The following GRB14 variants were observed in gnomAD, a reference collection of about 807,000 sequenced individuals.
The protein encoded by GRB14 is growth factor receptor-bound protein 14.
In GRB14, 38 loss-of-function variants were observed where a neutral mutation model predicts 69.1. That is an observed-to-expected ratio of 0.55 (90% CI 0.42 to 0.72). The LOEUF (loss-of-function observed/expected upper bound fraction) is 0.72, where lower values mean the gene tolerates loss of function less well. Ranked by LOEUF, GRB14 falls within the 30% of genes least tolerant of loss-of-function variation. The pLI, the probability that GRB14 is intolerant of heterozygous loss-of-function variation, is 0.00. For missense variants in GRB14, 666 were observed against 666.1 expected (o/e 1.00, Z 0.00); for synonymous variants, 247 against 241.3 (o/e 1.02, Z -0.22).
chr2:164,529,100 C>T (rs1011020268), intron 3 of GRB14, among the ~76,000 whole-genome samples: 1 of 152,146 alleles, frequency 6.6e-6, no homozygotes, highest in Non-Finnish European at 1.5e-5. Context: ...AATTCTGACA[C>T]ATGCTACAAC....
At chr2:164,545,560 TC>T (rs1474772240) in intron 3 of GRB14, among the ~76,000 whole-genome samples, 1 of 152,088 alleles carries the variant, frequency 6.6e-6, no homozygotes, top group Non-Finnish European at 1.5e-5. Context: ...AGGACACACA[TC>T]CCTGACGACA....
intron 6 of GRB14, among the ~76,000 whole-genome samples, chr2:164,519,644 A>C (rs1687585185): frequency 6.6e-6 from 1 of 152,172 alleles, no homozygotes; most frequent in African/African-American, 2.4e-5. Context: ...AGAACTGATA[A>C]ATGAATTAAG....
intron 2 of GRB14, among the ~76,000 whole-genome samples, chr2:164,618,551 T>G (rs1013271411): frequency 6.6e-6 from 1 of 152,078 alleles, no homozygotes; most frequent in Admixed American, 6.5e-5. Flanking sequence ...CTAGAAAAAT[T>G]TATTCCCATT....
chr2:164,562,192 T>C (rs1688846944), intron 2 of GRB14, among the ~76,000 whole-genome samples: 1 of 152,180 alleles, frequency 6.6e-6, no homozygotes, highest in Non-Finnish European at 1.5e-5. Context: ...TAACACCACT[T>C]GCCTACTGAA....
intron 8 of GRB14, among the ~76,000 whole-genome samples, chr2:164,505,107 T>C (rs1687155601): frequency 6.6e-6 from 1 of 152,208 alleles, no homozygotes. Flanking sequence ...GCTTCTGAAC[T>C]AAAGAACAAT....
intron 5 of GRB14, among the ~76,000 whole-genome samples, chr2:164,522,335 G>A (rs1440015407): frequency 6.6e-6 from 1 of 151,914 alleles, no homozygotes; most frequent in Non-Finnish European, 1.5e-5. Context: ...CTCCGTGTGT[G>A]TATACACACA....
chr2:164,528,011 A>ACAGTATG (rs1352112312), intron 3 of GRB14, among the ~76,000 whole-genome samples: 1 of 152,082 alleles, frequency 6.6e-6, no homozygotes, highest in African/African-American at 2.4e-5. Flanking sequence ...ACAACCCACA[A>ACAGTATG]CAGTATGGAT....
chr2:164,508,902 TTG>T, intron 6 of GRB14, 50 bp from the exon 7 acceptor site: 2 of 1,297,156 alleles, frequency 1.5e-6, no homozygotes, highest in Non-Finnish European at 2.1e-6. Context: ...ATTATCTTTT[TTG>T]TGTGTTTATA....
intron 3 of GRB14, among the ~76,000 whole-genome samples, chr2:164,537,865 T>C (rs1688119047): frequency 6.6e-6 from 1 of 152,138 alleles, no homozygotes; most frequent in Non-Finnish European, 1.5e-5. Flanking sequence ...CAGTGCCACA[T>C]GTCCCAAAGG....
intron 13 of GRB14, 53 bp from the exon 14 acceptor site, chr2:164,493,235 C>A: frequency 6.6e-7 from 1 of 1,523,878 alleles, no homozygotes; most frequent in Non-Finnish European, 8.9e-7. Flanking sequence ...CACAGAAGGA[C>A]AATCATATTC....
intron 2 of GRB14, among the ~76,000 whole-genome samples, chr2:164,578,384 T>C (rs1689304412): frequency 6.6e-6 from 1 of 151,834 alleles, no homozygotes; most frequent in South Asian, 2.1e-4. Context: ...ACAAAACACA[T>C]ATTGAGTAAG....
chr2:164,521,355 G>T (rs1395392467), intron 6 of GRB14, among the ~76,000 whole-genome samples: 6 of 151,992 alleles, frequency 3.9e-5, no homozygotes, highest in African/African-American at 7.2e-5. Flanking sequence ...TGGACTTTGG[G>T]GACTCAGGGA....
chr2:164,547,824 G>T lies in GRB14; in HGVS notation c.325-8C>A. The T allele has an allele frequency of 6.3e-7, 1 of 1,579,352 alleles. No individual in the cohort carries two copies. Among genetic ancestry groups the T allele is most frequent in the Non-Finnish European group, 8.6e-7 (1 of 1,160,636 alleles). ...ACTGTATACTTTAATCACCTGTGTA[G>T]GTAGAAACAAGAAAAAGACCTAAAA... On this transcript the variant is annotated splice_polypyrimidine_tract_variant and splice_region_variant and intron_variant, in intron 2 of 13. Coordinates refer to ENST00000263915, the MANE Select transcript of GRB14 (RefSeq NM_004490.3).
At chr2:164,578,463 G>C (rs1689307038) in intron 2 of GRB14, among the ~76,000 whole-genome samples, 1 of 145,966 alleles carries the variant, frequency 6.9e-6, no homozygotes, top group Non-Finnish European at 1.5e-5. Context: ...AAAATGAAAA[G>C]TTTAAAAAAA....
At chr2:164,497,118 T>G in intron 11 of GRB14, 23 bp from the exon 12 acceptor site, 1 of 1,608,136 alleles carries the variant, frequency 6.2e-7, no homozygotes, top group Non-Finnish European at 8.5e-7. Flanking sequence ...GATGGATGAA[T>G]GCAAAGCTTT....
At position 164,522,086 on chromosome 2, in the gene GRB14, A is replaced by G; in HGVS notation, c.710T>C (p.Ile237Thr). ...MFLSSSTYPE[I>T]HGFLHAKEQG... ...TTCTTTCGCATGTAAGAAACCATGA[A>G]TTTCAGGATATGTGCTTGAACTCAG... The change falls in exon 6 of 14, where the codon ATT becomes ACT. Residue 237 changes from isoleucine (I) to threonine (T), a missense_variant. Transcript: ENST00000263915. 4 of 1,600,502 alleles carry G rather than the reference A, an allele frequency of 2.5e-6. No individual in the cohort carries two copies. The highest frequency in any genetic ancestry group is 3.4e-6 in the Non-Finnish European group (4 of 1,171,662).
chr2:164,616,944 C>T (rs1465864856), intron 2 of GRB14, among the ~76,000 whole-genome samples: 1 of 152,146 alleles, frequency 6.6e-6, no homozygotes, highest in Non-Finnish European at 1.5e-5. Flanking sequence ...GGGCCAAAAA[C>T]AGCATCTTGT....
chr2:164,535,997 T>C (rs1216259688), intron 3 of GRB14, among the ~76,000 whole-genome samples: 1 of 152,214 alleles, frequency 6.6e-6, no homozygotes, highest in Non-Finnish European at 1.5e-5. Context: ...GGTAAATATC[T>C]GAAGAGCTTA....
At chr2:164,518,120 A>T (rs1452930168) in intron 6 of GRB14, among the ~76,000 whole-genome samples, 1 of 152,218 alleles carries the variant, frequency 6.6e-6, no homozygotes, top group African/African-American at 2.4e-5. Flanking sequence ...ATGATACGCC[A>T]CAAAACAAGT....
Sources: gnomAD v4.1 joint callset for allele counts (sites outside exome capture counted in the v4.1 genomes callset) on GRCh38, gnomAD v4.1.1 for gene constraint, MANE v1.5 for transcripts, NCBI Gene and HGNC (gene_info 2026-07-23, HGNC 2026-07-21) for gene names.